ADGRD1: variants seen among roughly 807,000 people sequenced by gnomAD.
The protein encoded by ADGRD1 is G-protein coupled receptor 133.
ADGRD1 carries 77 observed loss-of-function variants against 113.4 expected under a neutral mutation model. That is an observed-to-expected ratio of 0.68 (90% CI 0.57 to 0.82). ADGRD1 has a LOEUF of 0.82. Ranked by LOEUF, ADGRD1 falls within the 40% of genes least tolerant of loss-of-function variation. The pLI is 0.00. For missense variants in ADGRD1, 1,036 were observed against 1,139.1 expected, an observed-to-expected ratio of 0.91 and a Z score of 1.30; for synonymous variants, 474 against 475.0, an observed-to-expected ratio of 1.00 and a Z score of 0.03.
At chr12:131,123,578 T>G (rs544456929) in intron 20 of ADGRD1, among the ~76,000 whole-genome samples, 1 of 151,716 alleles carries the variant, frequency 6.6e-6, no homozygotes, top group African/African-American at 2.4e-5. Context: ...TCCCAGCACT[T>G]TGGGAGGCCA....
chr12:131,109,395 A>G (rs1769079591), intron 18 of ADGRD1, among the ~76,000 whole-genome samples: 1 of 152,142 alleles, frequency 6.6e-6, no homozygotes, highest in African/African-American at 2.4e-5. Context: ...GTATAGTTAT[A>G]TATTTCCCTC....
At chr12:130,989,474 G>C (rs1309748309) in intron 6 of ADGRD1, 1 of 152,266 alleles carries the variant, frequency 6.6e-6, no homozygotes, top group Non-Finnish European at 1.5e-5. Flanking sequence ...GTCCCTGGAA[G>C]GCCTGTGTGG....
chr12:131,115,715 A>G (rs1275590186), intron 18 of ADGRD1, among the ~76,000 whole-genome samples: 2 of 152,212 alleles, frequency 1.3e-5, no homozygotes, highest in Non-Finnish European at 2.9e-5. Context: ...CCGCAGAAGC[A>G]TGTTCCAGGT....
At chr12:131,069,713 C>T (rs1885005949) in intron 13 of ADGRD1, 1 of 152,200 alleles carries the variant, frequency 6.6e-6, no homozygotes, top group African/African-American at 2.4e-5. Context: ...CACAATGTAT[C>T]AGAGTGAAGT....
chr12:131,015,078 A>G (rs1006730093), intron 13 of ADGRD1, among the ~76,000 whole-genome samples: 8 of 152,294 alleles, frequency 5.3e-5, no homozygotes, highest in African/African-American at 1.9e-4. Flanking sequence ...GTTATTGGTC[A>G]GAATTAACAC....
intron 14 of ADGRD1, among the ~76,000 whole-genome samples, chr12:131,082,453 G>A (rs982497234): frequency 1.3e-5 from 2 of 152,114 alleles, no homozygotes; most frequent in Non-Finnish European, 2.9e-5. Flanking sequence ...CTAGGTCATC[G>A]TCACACCTTT....
At chr12:131,095,633 C>T (rs78102844) in intron 15 of ADGRD1, among the ~76,000 whole-genome samples, 7,217 of 152,248 alleles carry the variant, frequency 0.047, 195 homozygotes, top group East Asian at 0.081. Context: ...GGCAGATGGA[C>T]GCATAGCCCG....
At chr12:131,002,630 C>G (rs1876529914) in intron 9 of ADGRD1, 1 of 1,102,234 alleles carries the variant, frequency 9.1e-7, no homozygotes, top group Admixed American at 4.9e-5. Context: ...CAGTGTCTAC[C>G]AGGATCCTCT....
At chr12:131,030,603 A>G (rs1173837631) in intron 13 of ADGRD1, 1 of 152,250 alleles carries the variant, frequency 6.6e-6, no homozygotes, top group Non-Finnish European at 1.5e-5. Context: ...AGGCCGGACG[A>G]GGGGTCTCTT....
At chr12:131,005,535 C>T (rs1261411632) in intron 11 of ADGRD1, among the ~76,000 whole-genome samples, 1 of 152,108 alleles carries the variant, frequency 6.6e-6, no homozygotes, top group Non-Finnish European at 1.5e-5. Flanking sequence ...TGCCCTAAAT[C>T]CTCTGCGTGT....
chr12:131,118,804 T>C (rs1055555299), intron 19 of ADGRD1, among the ~76,000 whole-genome samples: 2 of 152,218 alleles, frequency 1.3e-5, no homozygotes, highest in African/African-American at 2.4e-5. Flanking sequence ...TCACCCTTTC[T>C]TGGGGTGGCC....
At chr12:130,992,114 C>G (rs1025181146) in intron 7 of ADGRD1, 123 bp from the exon 8 acceptor site, 2 of 653,238 alleles carry the variant, frequency 3.1e-6, no homozygotes, top group Non-Finnish European at 2.4e-6. Flanking sequence ...GAGCAAGACT[C>G]AGTCTCAAAA....
chr12:131,089,047 C>T (rs2137239509), intron 15 of ADGRD1, among the ~76,000 whole-genome samples: 1 of 152,310 alleles, frequency 6.6e-6, no homozygotes, highest in East Asian at 1.9e-4. Context: ...GGCACAGGCG[C>T]CCAGTCTGCA....
chr12:131,138,035 C>G, intron 23 of ADGRD1, 102 bp from the exon 24 acceptor site: 1 of 896,404 alleles, frequency 1.1e-6, no homozygotes, highest in Non-Finnish European at 1.8e-6. Context: ...ATCCCAACCT[C>G]CCTCGCACAT....
At position 130,987,754 on chromosome 12, in the gene ADGRD1, G is replaced by A. The variant is rs780173687; in HGVS notation, c.745+405G>A. On this transcript the variant is annotated intron_variant, in intron 6 of 24. Transcript: ENST00000261654. ...ATTCAGCACAGGGCAGTTGTTCGGG[G>A]CAGGGGCCTGTGGGTAGGTGGACTG... 2.1e-4 allele frequency: 47 copies of A among 225,688 alleles called. No individual in the cohort carries two copies. In the Admixed American group the frequency reaches 2.2e-3, roughly 10 times the overall value. 14.0% of individuals were successfully genotyped at this position (225,688 alleles called of 1,614,324 possible).
intron 13 of ADGRD1, among the ~76,000 whole-genome samples, chr12:131,074,144 C>T (rs1353633922): frequency 6.6e-6 from 1 of 152,172 alleles, no homozygotes; most frequent in Non-Finnish European, 1.5e-5. Context: ...GAACAGTAGG[C>T]AATAAACAAG....
rs370792684 is a variant in ADGRD1 at position 131,122,867 on chromosome 12, G to A, written c.2175+1954G>A. 1.2e-3 allele frequency among the ~76,000 whole-genome samples: 185 copies of A among 152,214 alleles called. 1 individual carries two copies. The Middle Eastern group carries it at 0.017, about 14-fold the overall frequency. On this transcript the variant is annotated intron_variant, in intron 20 of 24. Coordinates refer to ENST00000261654, the MANE Select transcript of ADGRD1 (RefSeq NM_198827.5). The stretch of plus-strand genomic sequence containing the variant: ...CCACACGGCGTGGGGCCGAGCGCCA[G>A]GAACCCAGCACCCCTGTGTCTCCCA...
chr12:130,963,362 A>G (rs935070238), intron 2 of ADGRD1, among the ~76,000 whole-genome samples: 6 of 151,944 alleles, frequency 3.9e-5, no homozygotes, highest in Admixed American at 3.3e-4. Flanking sequence ...ATTCAAATTC[A>G]AATAGAACAG....
At chr12:130,975,379 A>G (rs917528671) in intron 4 of ADGRD1, among the ~76,000 whole-genome samples, 2 of 152,168 alleles carry the variant, frequency 1.3e-5, no homozygotes, top group Non-Finnish European at 2.9e-5. Context: ...GCCAGTGATG[A>G]GTTCTCAGTG....
Sources: gnomAD v4.1 joint callset for allele counts (sites outside exome capture counted in the v4.1 genomes callset) on GRCh38, gnomAD v4.1.1 for gene constraint, MANE v1.5 for transcripts, NCBI Gene and HGNC (gene_info 2026-07-23, HGNC 2026-07-21) for gene names.